Variants in CUX1 observed in about 807,000 individuals in gnomAD.
CUX1 encodes the protein protein CASP.
In CUX1, 31 loss-of-function variants were observed where a neutral mutation model predicts 158.8. That is an observed-to-expected ratio of 0.20 (90% confidence interval 0.15 to 0.26). CUX1 has a LOEUF of 0.26. Ranked by LOEUF, CUX1 falls within the 10% of genes least tolerant of loss-of-function variation. CUX1 has a pLI of 1.00. For synonymous variants in CUX1, 879 were observed against 862.1 expected, an observed-to-expected ratio of 1.02 and a Z score of -0.34; for missense variants, 1,589 against 2,014.6, an observed-to-expected ratio of 0.79 and a Z score of 4.04.
At chr7:102,184,948 A>G (rs1464785795) in intron 11 of CUX1, among the ~76,000 whole-genome samples, 2 of 152,180 alleles carry the variant, frequency 1.3e-5, no homozygotes, top group Admixed American at 1.3e-4. Flanking sequence ...ACCCAGCCAG[A>G]CAAGTGCATT....
At chr7:102,020,366 T>C (rs1340048455) in intron 2 of CUX1, among the ~76,000 whole-genome samples, 1 of 152,224 alleles carries the variant, frequency 6.6e-6, no homozygotes, top group Non-Finnish European at 1.5e-5. Context: ...AACATCATTT[T>C]TCACTGAACT....
At chr7:102,082,463 G>A (rs1827528163) in intron 4 of CUX1, among the ~76,000 whole-genome samples, 3 of 147,160 alleles carry the variant, frequency 2.0e-5, no homozygotes, top group South Asian at 4.4e-4. Flanking sequence ...GAGGTACAGT[G>A]AGCCAAGATC....
chr7:102,014,912 GCT>G (rs1818419531), intron 2 of CUX1, among the ~76,000 whole-genome samples: 1 of 151,168 alleles, frequency 6.6e-6, no homozygotes, highest in Admixed American at 6.6e-5. Context: ...TTACCGCTTA[GCT>G]CTGTCTTTCT....
chr7:101,994,562 T>C (rs1164928592), intron 2 of CUX1, among the ~76,000 whole-genome samples: 1 of 152,156 alleles, frequency 6.6e-6, no homozygotes, highest in East Asian at 1.9e-4. Flanking sequence ...GATTGTGCCA[T>C]TGCACTCTAG....
chr7:102,041,313 T>A (rs536881390), intron 3 of CUX1, among the ~76,000 whole-genome samples: 1 of 130,188 alleles, frequency 7.7e-6, no homozygotes, highest in South Asian at 2.8e-4. Context: ...TCACCCAGGC[T>A]GGAGTGCAGT....
intron 1 of CUX1, among the ~76,000 whole-genome samples, chr7:101,885,744 A>C (rs539365642): frequency 1.3e-5 from 2 of 152,218 alleles, no homozygotes; most frequent in East Asian, 3.9e-4. Context: ...TACTCAATAA[A>C]TATTAATGTT....
At position 102,239,610 on chromosome 7, in the gene CUX1, G is replaced by A. The variant is rs782738022; in HGVS notation, c.3887+26G>A. The A allele has an allele frequency of 5.0e-6, 8 of 1,599,982 alleles. No individual in the cohort carries two copies. The South Asian group carries it at 5.6e-5, about 11-fold the overall frequency. ...GTACGACGGCTGGCTCACAGGGAGC[G>A]CCGGTCGGCCCAGGGGAAGGGGCTG... On this transcript the variant is annotated intron_variant, in intron 23 of 23. Transcript: ENST00000292535.
intron 6 of CUX1, among the ~76,000 whole-genome samples, chr7:102,108,064 AG>A (rs1369246214): frequency 6.6e-6 from 1 of 152,188 alleles, no homozygotes; most frequent in Non-Finnish European, 1.5e-5. Context: ...TGAGTGATCA[AG>A]GGGGAAAACG....
intron 2 of CUX1, among the ~76,000 whole-genome samples, chr7:101,995,318 C>T (rs978412059): frequency 6.6e-6 from 1 of 152,148 alleles, no homozygotes. Context: ...CAGTAGAAAC[C>T]CACAGAAACT....
chr7:102,092,356 A>C (rs978970558), intron 4 of CUX1, among the ~76,000 whole-genome samples: 1 of 152,066 alleles, frequency 6.6e-6, no homozygotes, highest in Non-Finnish European at 1.5e-5. Context: ...GACTGGGGTG[A>C]ATCCTTGCGC....
chr7:102,164,888 C>T (rs961396513), intron 9 of CUX1, among the ~76,000 whole-genome samples: 59 of 152,040 alleles, frequency 3.9e-4, no homozygotes, highest in African/African-American at 1.4e-3. Flanking sequence ...AGAGACAAAA[C>T]CTGGGGCCAA....
chr7:102,145,605 A>G (rs1554501818), intron 8 of CUX1, among the ~76,000 whole-genome samples: 1 of 152,046 alleles, frequency 6.6e-6, no homozygotes, highest in African/African-American at 2.4e-5. Context: ...CTCCTCCTGT[A>G]TAGGTGACTG....
intron 9 of CUX1, among the ~76,000 whole-genome samples, chr7:102,159,499 T>TC (rs1184289693): frequency 6.2e-4 from 95 of 152,032 alleles, no homozygotes; most frequent in Middle Eastern, 6.8e-3. Flanking sequence ...AACCCCTTCC[T>TC]CCCCCCAGGA....
chr7:102,276,579 G>A (rs1791622210), intron 17 of CUX1, among the ~76,000 whole-genome samples: 1 of 152,226 alleles, frequency 6.6e-6, no homozygotes, highest in Admixed American at 6.5e-5. Flanking sequence ...TGGGATTACA[G>A]GCGTGAGCCA....
At chr7:101,904,911 C>T (rs1049337630) in intron 1 of CUX1, among the ~76,000 whole-genome samples, 11 of 152,280 alleles carry the variant, frequency 7.2e-5, no homozygotes, top group Admixed American at 2.0e-4. Flanking sequence ...AATCTTTATA[C>T]GAGGTGGAGT....
intron 23 of CUX1, among the ~76,000 whole-genome samples, chr7:102,240,105 C>T (rs1401586105): frequency 1.3e-5 from 2 of 151,952 alleles, no homozygotes; most frequent in African/African-American, 2.4e-5. Flanking sequence ...CGTCCCTTCC[C>T]GTCACTGTCA....
At chr7:102,226,245 G>C (rs1798336116) in intron 20 of CUX1, among the ~76,000 whole-genome samples, 1 of 152,200 alleles carries the variant, frequency 6.6e-6, no homozygotes, top group Non-Finnish European at 1.5e-5. Flanking sequence ...AGTCACTTCT[G>C]CTGTTGGTTA....
intron 8 of CUX1, among the ~76,000 whole-genome samples, chr7:102,151,350 C>T (rs1267649230): frequency 2.6e-5 from 4 of 151,922 alleles, no homozygotes; most frequent in Non-Finnish European, 4.4e-5. Flanking sequence ...GTCAGGAGTT[C>T]GAGACCAGCC....
Position 102,248,867 on chromosome 7 carries a change from G to T in CUX1, c.4343G>T (p.Ser1448Ile), listed in dbSNP as rs1377365336. ...APPPSNSSSS[S>I]APRRPSSLQS... Reference sequence around the variant, plus strand: ...CCGCCCAGCAACAGCAGCAGCAGCAGCGCCCCCCGCAGGCCCAGCTCGCTG... The same window carrying T: ...CCGCCCAGCAACAGCAGCAGCAGCATCGCCCCCCGCAGGCCCAGCTCGCTG... Residue 1448 changes from serine to isoleucine, a missense_variant, in exon 24 of 24, where the codon AGC (serine) becomes ATC (isoleucine). Ser to Ile is a moderately radical substitution (Grantham distance 142). Around this residue, in one of 8 missense-constraint regions of CUX1, gnomAD observed 344 missense variants for 323.7 expected, o/e 1.06. Transcript: ENST00000292535. This position sits in a 1 kb window ranked among gnomAD's most constrained non-coding sequence, Gnocchi z 5.8. The T allele has an allele frequency of 1.5e-6, 2 of 1,305,794 alleles. No homozygotes were observed. Among genetic ancestry groups the T allele is most frequent in the East Asian group, 3.4e-5 (1 of 29,318 alleles). 80.9% of individuals were successfully genotyped at this position (1,305,794 alleles called of 1,614,324 possible).
Sources: allele counts gnomAD v4.1 joint callset (sites outside exome capture counted in the v4.1 genomes callset), GRCh38; gene constraint gnomAD v4.1.1; regional missense constraint gnomAD v4.1.1; non-coding constraint Gnocchi (gnomAD v3.1); transcripts MANE v1.5; gene names NCBI Gene and HGNC (gene_info 2026-07-23, HGNC 2026-07-21).